SNX1: variants seen among roughly 807,000 people sequenced by gnomAD.
SNX1 encodes the protein sorting nexin-1.
SNX1 carries 36 observed loss-of-function variants against 71.8 expected under a neutral mutation model. That is an observed-to-expected ratio of 0.50 (90% confidence interval 0.38 to 0.66). The LOEUF is 0.66. Among genes scored for constraint, SNX1 ranks in the 30% least tolerant of loss-of-function variants. SNX1 has a pLI of 0.00. For missense variants in SNX1, 612 were observed against 646.7 expected (o/e 0.95, Z 0.58); for synonymous variants, 254 against 240.7 (o/e 1.06, Z -0.51).
At chr15:64,114,795 C>G (rs900517773) in intron 2 of SNX1, among the ~76,000 whole-genome samples, 4 of 152,148 alleles carry the variant, frequency 2.6e-5, no homozygotes, top group African/African-American at 9.7e-5. Flanking sequence ...CCCTTCATCC[C>G]TGAAATTTAA....
Position 64,102,040 on chromosome 15 carries a change from GA to G in SNX1, c.159+5876del, listed in dbSNP as rs1053726623. On this transcript the variant is annotated intron_variant, in intron 1 of 14. Coordinates refer to ENST00000559844, the MANE Select transcript of SNX1 (RefSeq NM_003099.5). ...TACAATTGTCAACTAAACATAAAAA[GA>G]AAAAAAATTAAAGAATAATGCTTGT... Among the ~76,000 whole-genome samples, 141 of 151,672 alleles carry G rather than the reference GA, an allele frequency of 9.3e-4. 1 individual carries two copies. The highest frequency in any genetic ancestry group is 5.6e-3 in the East Asian group (29 of 5,174).
At chr15:64,122,576 C>G (rs74019205) in intron 4 of SNX1, among the ~76,000 whole-genome samples, 3,011 of 152,194 alleles carry the variant, frequency 0.02, 118 homozygotes, top group African/African-American at 0.069. Context: ...TCTTCCTTCC[C>G]TTGGCCCCTC....
intron 5 of SNX1, among the ~76,000 whole-genome samples, chr15:64,125,416 G>A (rs2081240377): frequency 7.0e-6 from 1 of 142,882 alleles, no homozygotes. Context: ...AGTGAGCCAA[G>A]ATTGCACCAC....
intron 8 of SNX1, among the ~76,000 whole-genome samples, chr15:64,128,976 G>A (rs565106822): frequency 6.6e-6 from 1 of 152,318 alleles, no homozygotes; most frequent in South Asian, 2.1e-4. Flanking sequence ...GCCAGGCGCG[G>A]TGGCTCTTGG....
At position 64,142,284 on chromosome 15, in the gene SNX1, C is replaced by T. The variant is rs185630158; in HGVS notation, c.*4666C>T. Reference sequence around the variant, plus strand: ...TTGAGGTTGCAGTGAGCTACAGTTGCGCCACTGCACTCCAGCCTAGGTGAC... The same window carrying T: ...TTGAGGTTGCAGTGAGCTACAGTTGTGCCACTGCACTCCAGCCTAGGTGAC... On this transcript the variant is annotated 3_prime_UTR_variant, in exon 15 of 15. Transcript: ENST00000559844. 799 of 199,178 alleles carry T rather than the reference C, an allele frequency of 4.0e-3. 7 individuals are homozygous for T. Among genetic ancestry groups the T allele is most frequent in the Non-Finnish European group, 6.7e-3 (652 of 96,698 alleles). 12.3% of individuals were successfully genotyped at this position (199,178 alleles called of 1,614,324 possible).
rs2081342086 is a variant in SNX1 at position 64,134,878 on chromosome 15, C to G, written c.1365+71C>G. The G allele has an allele frequency of 8.3e-6, 13 of 1,575,002 alleles. No individual in the cohort carries two copies. In the South Asian group the frequency reaches 9.3e-5, roughly 11 times the overall value. ...AAATGAACCCAGGGCCCATCCCACC[C>G]AGAGGTTTGGAACCCCACAGGGGGA... On this transcript the variant is annotated intron_variant, in intron 12 of 14. Transcript: ENST00000559844. The surrounding 1 kb of genome is among the most constrained non-coding windows in gnomAD (Gnocchi z 4.1).
At chr15:64,096,946 A>G (rs1258087493) in intron 1 of SNX1, among the ~76,000 whole-genome samples, 1 of 152,272 alleles carries the variant, frequency 6.6e-6, no homozygotes, top group African/African-American at 2.4e-5. Flanking sequence ...CGCACAAAAT[A>G]ACAAAGGAAT....
chr15:64,118,979 T>C (rs1348736910), intron 4 of SNX1, 125 bp downstream of exon 4: 3 of 660,190 alleles, frequency 4.5e-6, no homozygotes, highest in South Asian at 1.9e-5. Flanking sequence ...TAGTATCTTT[T>C]CTGTAAAAGT....
rs2081288890 is a variant in SNX1 at position 64,129,876 on chromosome 15, C to T, written c.808-40C>T. 1.4e-6 allele frequency: 2 copies of T among 1,389,230 alleles called. No individual in the cohort carries two copies. Among genetic ancestry groups the T allele is most frequent in the Non-Finnish European group, 1.0e-6 (1 of 975,828 alleles). The allele number at this position is 1,389,230 out of a possible 1,614,324, so 86.1% of individuals were successfully genotyped here. A position where few individuals can be genotyped will look rare whatever the true frequency, so the allele number is the denominator to read the frequency against. ...AATTCTTCTGAACCTAAAATAGGGG[C>T]AGCAGATAACTTGCCATCCCTGCCT... On this transcript the variant is annotated intron_variant, in intron 8 of 14. Transcript: ENST00000559844. This position sits in a 1 kb window ranked among gnomAD's most constrained non-coding sequence, Gnocchi z 4.4.
intron 14 of SNX1, 149 bp downstream of exon 14, chr15:64,137,081 C>G (rs1692336783): frequency 3.2e-6 from 2 of 624,824 alleles, no homozygotes; most frequent in Non-Finnish European, 2.8e-6. Context: ...TCCTGCTGCT[C>G]TGACATGGAG....
chr15:64,105,233 A>C, intron 1 of SNX1, among the ~76,000 whole-genome samples: 1 of 151,356 alleles, frequency 6.6e-6, no homozygotes, highest in Non-Finnish European at 1.5e-5. Flanking sequence ...AAAAAAAAAA[A>C]TTAGGGGCTT....
chr15:64,127,621 C>T (rs961938464), intron 7 of SNX1, 110 bp from the exon 8 acceptor site: 9 of 762,744 alleles, frequency 1.2e-5, no homozygotes, highest in South Asian at 3.3e-5. Context: ...TCTTAGGGTA[C>T]TTTAAGTACA....
At chr15:64,114,969 C>T (rs1047852388) in intron 2 of SNX1, among the ~76,000 whole-genome samples, 2 of 152,012 alleles carry the variant, frequency 1.3e-5, no homozygotes, top group Non-Finnish European at 2.9e-5. Context: ...AGCAAAACCT[C>T]GTCTCTATTA....
intron 1 of SNX1, among the ~76,000 whole-genome samples, chr15:64,099,006 T>C (rs1205006713): frequency 6.6e-6 from 1 of 152,220 alleles, no homozygotes; most frequent in African/African-American, 2.4e-5. Context: ...CCAAGAGAGC[T>C]CGCTAGTTTA....
intron 4 of SNX1, among the ~76,000 whole-genome samples, chr15:64,119,412 G>A (rs746017522): frequency 3.3e-5 from 5 of 152,012 alleles, no homozygotes; most frequent in South Asian, 2.1e-4. Context: ...ATGAGCCACC[G>A]CACCCAGCTA....
chr15:64,096,744 C>T (rs540304852), intron 1 of SNX1, among the ~76,000 whole-genome samples: 17 of 152,140 alleles, frequency 1.1e-4, no homozygotes, highest in Non-Finnish European at 2.1e-4. Context: ...GAAGGCACTG[C>T]CAGATAAATC....
chr15:64,137,692 C>T lies in SNX1; in HGVS notation c.*74C>T. The T allele has an allele frequency of 6.2e-7, 1 of 1,606,924 alleles. No homozygotes were observed. Among genetic ancestry groups the T allele is most frequent in the South Asian group, 1.1e-5 (1 of 90,142 alleles). On this transcript the variant is annotated 3_prime_UTR_variant, in exon 15 of 15. Transcript: ENST00000559844. ...ACTGTCCTCCTCCACCTTGATGGAC[C>T]CCTAGTGATGCATCCTGCCTAGGCT...
chr15:64,129,863 C>A lies in SNX1; in HGVS notation c.808-53C>A. 1.5e-6 allele frequency: 2 copies of A among 1,309,834 alleles called. No homozygotes were observed. The highest frequency in any genetic ancestry group is 1.7e-5 in the Admixed American group (1 of 59,518). The allele number at this position is 1,309,834 out of a possible 1,614,324, so 81.1% of individuals were successfully genotyped here. On this transcript the variant is annotated intron_variant, in intron 8 of 14. Transcript: ENST00000559844. The surrounding 1 kb of genome is among the most constrained non-coding windows in gnomAD (Gnocchi z 4.4). ...TCTGATGGATACTAATTCTTCTGAA[C>A]CTAAAATAGGGGCAGCAGATAACTT... is the stretch of plus-strand genomic sequence containing the variant.
intron 1 of SNX1, among the ~76,000 whole-genome samples, chr15:64,103,991 AACAT>A (rs2080991231): frequency 6.6e-6 from 1 of 152,228 alleles, no homozygotes; most frequent in African/African-American, 2.4e-5. Flanking sequence ...TTTTGGAGTT[AACAT>A]ACATCAAGTG....
Sources: gnomAD v4.1 joint callset for allele counts (sites outside exome capture counted in the v4.1 genomes callset) on GRCh38, gnomAD v4.1.1 for gene constraint, Gnocchi (gnomAD v3.1) non-coding constraint, MANE v1.5 for transcripts, NCBI Gene and HGNC (gene_info 2026-07-23, HGNC 2026-07-21) for gene names.